The following DEFB125 variants were observed in gnomAD, a reference collection of about 807,000 sequenced individuals.
The protein encoded by DEFB125 is beta-defensin 125.
A neutral mutation model predicts 11.8 loss-of-function variants in DEFB125; 11 were observed. That is an observed-to-expected ratio of 0.94 (90% confidence interval 0.59 to 1.55). DEFB125 has a LOEUF of 1.55. Among genes scored for constraint, DEFB125 ranks in the 40% most tolerant of loss-of-function variants. DEFB125 has a pLI of 0.00. For synonymous variants in DEFB125, 79 were observed against 66.7 expected (o/e 1.18, Z -0.90); for missense variants, 198 against 191.2 (o/e 1.04, Z -0.21).
Position 96,013 on chromosome 20 carries a change from G to A in DEFB125, c.67G>A (p.Glu23Lys). The A allele has an allele frequency of 2.5e-6, 4 of 1,599,284 alleles. No individual in the cohort carries two copies. The highest frequency in any genetic ancestry group is 3.4e-6 in the Non-Finnish European group (4 of 1,169,368). The change falls in exon 2 of 2, where the codon GAA becomes AAA. Residue 23 changes from glutamate to lysine, a missense_variant. Glu to Lys is a moderately conservative substitution (Grantham distance 56). Coordinates refer to ENST00000382410, the MANE Select transcript of DEFB125 (RefSeq NM_153325.4). ...LLTRVTKGSF[E>K]PQKCWKNNVG... is the part of the protein sequence containing the mutation. Reference sequence around the variant, plus strand: ...TATTTTATTCTCTACAGGTAGCTTTGAACCCCAAAAATGTTGGAAGAATAA... The same window carrying A: ...TATTTTATTCTCTACAGGTAGCTTTAAACCCCAAAAATGTTGGAAGAATAA...
intron 1 of DEFB125, among the ~76,000 whole-genome samples, chr20:95,772 C>T (rs1016839348): frequency 2.6e-5 from 4 of 152,156 alleles, no homozygotes; most frequent in African/African-American, 9.7e-5. Flanking sequence ...TGCTCTCTCT[C>T]TCTCCGTCCC....
Position 96,499 on chromosome 20 carries a change from C to A in DEFB125, c.*82C>A. ...AGAGCTGATTCTACCAATCCAATTT[C>A]ACCAGGAAAATTCCATCAGGGATTG... On this transcript the variant is annotated 3_prime_UTR_variant, in exon 2 of 2. Transcript: ENST00000382410. The A allele has an allele frequency of 6.7e-7, 1 of 1,483,322 alleles. No homozygotes were observed. The highest frequency in any genetic ancestry group is 1.4e-5 in the South Asian group (1 of 73,910). The allele number at this position is 1,483,322 out of a possible 1,614,324, so 91.9% of individuals were successfully genotyped here.
rs566422196 is a variant in DEFB125, at chr20:96,669, G to T, written c.*252G>T. ...TTAAATTCTTTATCTGTCTTCCTCC[G>T]ATGTACTCAAATATATGAGCTAATT... On this transcript the variant is annotated 3_prime_UTR_variant, in exon 2 of 2. Transcript: ENST00000382410. 7.0e-6 allele frequency: 3 copies of T among 428,726 alleles called. No homozygotes were observed. Among genetic ancestry groups the T allele is most frequent in the South Asian group, 1.2e-4 (2 of 17,332 alleles). The allele number at this position is 428,726 out of a possible 1,614,324, so 26.6% of individuals were successfully genotyped here. A position where few individuals can be genotyped will look rare whatever the true frequency, so the allele number is the denominator to read the frequency against.
intron 1 of DEFB125, among the ~76,000 whole-genome samples, chr20:90,109 C>T (rs988357586): frequency 6.6e-6 from 1 of 152,116 alleles, no homozygotes; most frequent in Admixed American, 6.5e-5. Context: ...AAGAACTCCA[C>T]ACATGGGATA....
intron 1 of DEFB125, among the ~76,000 whole-genome samples, chr20:92,395 C>CTT (rs11483976): frequency 0.013 from 1,799 of 137,570 alleles, 50 homozygotes; most frequent in African/African-American, 0.045. Flanking sequence ...AACCTTCCTT[C>CTT]TTTTTTTTTT....
chr20:96,039 T>C lies in DEFB125; in HGVS notation c.93T>C (p.Asn31=), dbSNP rs1482673961. 6.2e-7 allele frequency: 1 copy of C among 1,612,276 alleles called. No individual in the cohort carries two copies. The highest frequency in any genetic ancestry group is 1.3e-5 in the African/African-American group (1 of 74,916). Residue 31 remains asparagine (N), a synonymous_variant, in exon 2 of 2, where the codon AAT becomes AAC. Transcript: ENST00000382410. ...AACCCCAAAAATGTTGGAAGAATAA[T>C]GTAGGACATTGCAGAAGACGATGTT... The part of the protein sequence containing the change: ...SFEPQKCWKN[N]VGHCRRRCLD...
chr20:87,808 G>C (rs982057299), intron 1 of DEFB125, 41 bp downstream of exon 1: 3 of 1,605,904 alleles, frequency 1.9e-6, no homozygotes, highest in Non-Finnish European at 2.6e-6. Flanking sequence ...ACTAGGATGA[G>C]TTGTTGCCCT....
chr20:95,096 A>AT (rs922243290), intron 1 of DEFB125, among the ~76,000 whole-genome samples: 3 of 151,802 alleles, frequency 2.0e-5, no homozygotes, highest in African/African-American at 4.8e-5. Context: ...TTCTCCACTG[A>AT]TTTTTTTTAA....
At chr20:92,061 T>C (rs1163995666) in intron 1 of DEFB125, among the ~76,000 whole-genome samples, 1 of 152,146 alleles carries the variant, frequency 6.6e-6, no homozygotes, top group African/African-American at 2.4e-5. Context: ...GCCTAATATA[T>C]ACATACATAC....
chr20:94,000 C>A (rs1473545525), intron 1 of DEFB125, among the ~76,000 whole-genome samples: 2 of 152,090 alleles, frequency 1.3e-5, no homozygotes, highest in Admixed American at 6.5e-5. Context: ...TTTACTGTAA[C>A]TGTGCACCCT....
chr20:90,014 T>TA (rs1460397389), intron 1 of DEFB125, among the ~76,000 whole-genome samples: 4 of 152,198 alleles, frequency 2.6e-5, no homozygotes, highest in Non-Finnish European at 5.9e-5. Flanking sequence ...AGCAACTTTT[T>TA]ACCAAGCCAA....
chr20:88,865 G>GACACACACACACACAC (rs200122767), intron 1 of DEFB125, among the ~76,000 whole-genome samples: 1 of 148,428 alleles, frequency 6.7e-6, no homozygotes, highest in African/African-American at 2.5e-5. Context: ...TGGACACGTG[G>GACACACACACACACAC]ACACACACAC....
intron 1 of DEFB125, among the ~76,000 whole-genome samples, chr20:94,979 A>C (rs1284951123): frequency 2.0e-5 from 3 of 152,182 alleles, no homozygotes; most frequent in East Asian, 3.9e-4. Context: ...CCTCTGAGCA[A>C]ACAGAACACA....
At chr20:94,679 G>T (rs553982036) in intron 1 of DEFB125, among the ~76,000 whole-genome samples, 1 of 152,268 alleles carries the variant, frequency 6.6e-6, no homozygotes, top group Admixed American at 6.5e-5. Context: ...CCAGGGGTTG[G>T]GGACCCCTGC....
At chr20:95,319 A>G (rs1162018778) in intron 1 of DEFB125, among the ~76,000 whole-genome samples, 2 of 151,942 alleles carry the variant, frequency 1.3e-5, no homozygotes, top group Admixed American at 1.3e-4. Context: ...TTTTTCTCAT[A>G]TTATTCCAAC....
At chr20:91,469 C>G (rs2054495833) in intron 1 of DEFB125, among the ~76,000 whole-genome samples, 1 of 151,776 alleles carries the variant, frequency 6.6e-6, no homozygotes, top group African/African-American at 2.4e-5. Flanking sequence ...TCTGTAAAAC[C>G]ATACAGTCTA....
intron 1 of DEFB125, among the ~76,000 whole-genome samples, chr20:91,476 T>C (rs779638273): frequency 6.6e-6 from 1 of 152,112 alleles, no homozygotes; most frequent in Non-Finnish European, 1.5e-5. Flanking sequence ...AACCATACAG[T>C]CTAGCAGGGA....
Position 96,668 on chromosome 20 carries a change from C to T in DEFB125, c.*251C>T, listed in dbSNP as rs956622187. The T allele has an allele frequency of 5.4e-5, 23 of 427,386 alleles. No homozygotes were observed. The highest frequency in any genetic ancestry group is 6.6e-5 in the Non-Finnish European group (16 of 242,900). The allele number at this position is 427,386 out of a possible 1,614,324, so 26.5% of individuals were successfully genotyped here. ...CTTAAATTCTTTATCTGTCTTCCTC[C>T]GATGTACTCAAATATATGAGCTAAT... On this transcript the variant is annotated 3_prime_UTR_variant, in exon 2 of 2. Coordinates refer to ENST00000382410, the MANE Select transcript of DEFB125 (RefSeq NM_153325.4).
chr20:92,288 C>G (rs902619221), intron 1 of DEFB125, among the ~76,000 whole-genome samples: 7 of 151,866 alleles, frequency 4.6e-5, no homozygotes, highest in Non-Finnish European at 1.0e-4. Context: ...AATGAACATA[C>G]AATGCAGCAC....
Sources: allele counts gnomAD v4.1 joint callset (sites outside exome capture counted in the v4.1 genomes callset), GRCh38; gene constraint gnomAD v4.1.1; transcripts MANE v1.5; gene names NCBI Gene and HGNC (gene_info 2026-07-23, HGNC 2026-07-21).